ATP10B: variants seen among roughly 807,000 people sequenced by gnomAD.
ATP10B encodes ATPase phospholipid transporting 10B (putative).
Under a neutral mutation model 141.2 loss-of-function variants are expected in ATP10B, and 122 were observed. That is an observed-to-expected ratio of 0.86 (90% CI 0.75 to 1.00). The LOEUF (loss-of-function observed/expected upper bound fraction) is 1.00, where lower values mean the gene tolerates loss of function less well. Ranked by LOEUF, ATP10B falls within the 50% of genes least tolerant of loss-of-function variation. The probability of loss-of-function intolerance (pLI) is 0.00; values close to 1 mark genes in which losing one functional copy is unlikely to be tolerated. For missense variants in ATP10B, 1,876 were observed against 1,825.3 expected (o/e 1.03, Z -0.51); for synonymous variants, 685 against 692.0 (o/e 0.99, Z 0.16).
chr5:160,682,525 C>T (rs1377331872), intron 6 of ATP10B, among the ~76,000 whole-genome samples: 3 of 152,154 alleles, frequency 2.0e-5, no homozygotes, highest in Admixed American at 2.0e-4. Context: ...ACAGATGAGT[C>T]TGTGGTCTAA....
intron 24 of ATP10B, 124 bp downstream of exon 24, chr5:160,589,468 G>C (rs1388651278): frequency 4.0e-6 from 3 of 747,736 alleles, no homozygotes; most frequent in African/African-American, 3.4e-5. Flanking sequence ...TAGGACATAG[G>C]GTAGGAGCTT....
intron 1 of ATP10B, among the ~76,000 whole-genome samples, chr5:160,830,736 C>T (rs923324144): frequency 2.6e-5 from 4 of 151,832 alleles, no homozygotes; most frequent in Non-Finnish European, 5.9e-5. Flanking sequence ...TTGACAACTA[C>T]GTCACTGGAA....
Position 160,706,020 on chromosome 5 carries a change from G to T in ATP10B, c.-205+10889C>A, listed in dbSNP as rs577207563. 5.3e-5 allele frequency among the ~76,000 whole-genome samples: 8 copies of T among 152,298 alleles called. No homozygotes were observed. The East Asian group carries it at 1.5e-3, about 29-fold the overall frequency. On this transcript the variant is annotated intron_variant, in intron 3 of 25. Coordinates refer to ENST00000327245, the MANE Select transcript of ATP10B (RefSeq NM_025153.3). Reference sequence around the variant, plus strand: ...GGGAATAAGGAGGCCCACGAAGAGGGAGAGAGATGGGGGAACAGCTGGATG... The same window carrying T: ...GGGAATAAGGAGGCCCACGAAGAGGTAGAGAGATGGGGGAACAGCTGGATG...
At chr5:160,662,895 C>T (rs1323495798) in intron 7 of ATP10B, among the ~76,000 whole-genome samples, 1 of 152,192 alleles carries the variant, frequency 6.6e-6, no homozygotes, top group East Asian at 1.9e-4. Context: ...GCAATCTACC[C>T]ATCTGACAAA....
intron 5 of ATP10B, chr5:160,687,039 C>G: frequency 1.2e-6 from 1 of 813,606 alleles, no homozygotes; most frequent in Non-Finnish European, 1.5e-6. Flanking sequence ...GAACATTCTG[C>G]TGACTTCTGT....
At chr5:160,615,815 A>C (rs370583486) in intron 17 of ATP10B, 23 bp downstream of exon 17, 1 of 1,604,066 alleles carries the variant, frequency 6.2e-7, no homozygotes, top group Non-Finnish European at 8.5e-7. Flanking sequence ...TTTTTCCTAT[A>C]ATAATGACTT....
chr5:160,820,111 AAAC>A (rs1273848497), intron 1 of ATP10B, among the ~76,000 whole-genome samples: 1 of 151,512 alleles, frequency 6.6e-6, no homozygotes, highest in Non-Finnish European at 1.5e-5. Context: ...TTGTAAAAAT[AAAC>A]AACATTGACC....
At chr5:160,688,372 T>A (rs1763889616) in intron 4 of ATP10B, among the ~76,000 whole-genome samples, 1 of 152,204 alleles carries the variant, frequency 6.6e-6, no homozygotes. Context: ...AAACAAATAA[T>A]CACATAAATA....
chr5:160,842,551 A>G (rs2127987823), intron 1 of ATP10B, among the ~76,000 whole-genome samples: 1 of 152,176 alleles, frequency 6.6e-6, no homozygotes, highest in East Asian at 1.9e-4. Flanking sequence ...AAACAGAAAA[A>G]AGAGAAGAAA....
intron 6 of ATP10B, chr5:160,684,931 A>G (rs569109351): frequency 2.5e-4 from 178 of 703,428 alleles, no homozygotes; most frequent in Non-Finnish European, 1.2e-4. Flanking sequence ...GACTGCCAGG[A>G]TAACACAGAT....
chr5:160,906,744 G>A, the ATP10B span, among the ~76,000 whole-genome samples: 3 of 152,140 alleles, frequency 2.0e-5, no homozygotes, highest in African/African-American at 7.2e-5. Flanking sequence ...ACCCAGTACC[G>A]CCTCTCCTTC....
At chr5:160,582,374 G>A (rs570848780) in intron 24 of ATP10B, among the ~76,000 whole-genome samples, 9 of 152,118 alleles carry the variant, frequency 5.9e-5, no homozygotes, top group South Asian at 4.2e-4. Flanking sequence ...TTTGCTTGTC[G>A]TAAAGGATTT....
At chr5:160,773,428 C>G (rs780881038) in intron 2 of ATP10B, among the ~76,000 whole-genome samples, 1 of 152,066 alleles carries the variant, frequency 6.6e-6, no homozygotes, top group Admixed American at 6.6e-5. Flanking sequence ...GATGTTCAGT[C>G]GGAATTGGGA....
chr5:160,900,855 A>T, the ATP10B span, among the ~76,000 whole-genome samples: 4 of 152,004 alleles, frequency 2.6e-5, no homozygotes. Context: ...TGTCATTGAA[A>T]AAAGAACAAG....
Position 160,564,734 on chromosome 5 carries a change from TC to T in ATP10B, c.*718del, listed in dbSNP as rs1233612596. On this transcript the variant is annotated 3_prime_UTR_variant, in exon 26 of 26. Coordinates refer to ENST00000327245, the MANE Select transcript of ATP10B (RefSeq NM_025153.3). ...CCCAGCTGGTGGGACATATGGTCTG[TC>T]AGCCAAAACAGGGGTCTCTGGTGCA... 1.3e-5 allele frequency: 2 copies of T among 152,240 alleles called. No homozygotes were observed. The highest frequency in any genetic ancestry group is 2.9e-5 in the Non-Finnish European group (2 of 68,050). The allele number at this position is 152,240 out of a possible 1,614,324, so 9.4% of individuals were successfully genotyped here. A position where few individuals can be genotyped will look rare whatever the true frequency, so the allele number is the denominator to read the frequency against.
intron 19 of ATP10B, among the ~76,000 whole-genome samples, chr5:160,606,264 A>G (rs1305199369): frequency 1.3e-5 from 2 of 152,210 alleles, no homozygotes; most frequent in Non-Finnish European, 2.9e-5. Flanking sequence ...GCTAGCATCT[A>G]TTGGTGATAT....
intron 1 of ATP10B, among the ~76,000 whole-genome samples, chr5:160,813,443 C>A (rs1470822269): frequency 1.3e-5 from 2 of 152,150 alleles, no homozygotes; most frequent in Non-Finnish European, 2.9e-5. Flanking sequence ...GGGAAGGGCA[C>A]CCACCACTGC....
intron 3 of ATP10B, among the ~76,000 whole-genome samples, chr5:160,697,397 A>T (rs977023378): frequency 2.0e-5 from 3 of 152,156 alleles, no homozygotes; most frequent in Non-Finnish European, 4.4e-5. Flanking sequence ...TTTGCACTGT[A>T]CTCAGCTACA....
At chr5:160,594,808 G>C (rs944067612) in intron 22 of ATP10B, among the ~76,000 whole-genome samples, 3 of 152,078 alleles carry the variant, frequency 2.0e-5, no homozygotes, top group Non-Finnish European at 4.4e-5. Flanking sequence ...TTACATAATG[G>C]TAAAGGGATC....
Sources: gnomAD v4.1 joint callset for allele counts (sites outside exome capture counted in the v4.1 genomes callset) on GRCh38, gnomAD v4.1.1 for gene constraint, MANE v1.5 for transcripts, NCBI Gene and HGNC (gene_info 2026-07-23, HGNC 2026-07-21) for gene names.